SEMA3D: variants seen among roughly 807,000 people sequenced by gnomAD.
SEMA3D encodes the protein semaphorin-3D.
Under a neutral mutation model 100.1 loss-of-function variants are expected in SEMA3D, and 84 were observed. The ratio of observed to expected loss-of-function variants is 0.84; its 90% CI spans 0.70 to 1.01. The LOEUF is 1.01. Among genes scored for constraint, SEMA3D ranks in the 50% least tolerant of loss-of-function variants. The pLI is 0.00. For missense variants in SEMA3D, 875 were observed against 934.1 expected (o/e 0.94, Z 0.82); for synonymous variants, 312 against 320.7 (o/e 0.97, Z 0.29).
chr7:85,232,077 A>C, the SEMA3D span, among the ~76,000 whole-genome samples: 2 of 152,128 alleles, frequency 1.3e-5, no homozygotes, highest in African/African-American at 4.8e-5. Context: ...GGGACAGAAA[A>C]CAGATATAGG....
At chr7:85,163,705 C>T (rs1337732797) in intron 1 of SEMA3D, among the ~76,000 whole-genome samples, 1 of 152,098 alleles carries the variant, frequency 6.6e-6, no homozygotes, top group Non-Finnish European at 1.5e-5. Flanking sequence ...AGACCCAATT[C>T]AGAAATCCAG....
intron 12 of SEMA3D, among the ~76,000 whole-genome samples, chr7:85,027,339 T>G (rs1790418600): frequency 6.6e-6 from 1 of 152,032 alleles, no homozygotes; most frequent in African/African-American, 2.4e-5. Flanking sequence ...TTTGGAGGTT[T>G]TATCTTATAG....
At chr7:85,143,060 A>G in intron 2 of SEMA3D, 1 of 936,576 alleles carries the variant, frequency 1.1e-6, no homozygotes, top group Non-Finnish European at 1.3e-6. Flanking sequence ...ATTATTTCTA[A>G]TAAGACAAAC....
chr7:85,231,478 C>G, the SEMA3D span, among the ~76,000 whole-genome samples: 4 of 105,290 alleles, frequency 3.8e-5, no homozygotes, highest in African/African-American at 8.7e-5. Context: ...GACGGAGTCT[C>G]GCTCTGTCAC....
intron 1 of SEMA3D, among the ~76,000 whole-genome samples, chr7:85,178,001 A>T (rs1335766392): frequency 6.6e-6 from 1 of 152,138 alleles, no homozygotes; most frequent in Non-Finnish European, 1.5e-5. Flanking sequence ...GTGAGTTCTC[A>T]TGAGACCTGA....
At chr7:85,144,449 C>A in intron 2 of SEMA3D, 1 of 978,402 alleles carries the variant, frequency 1.0e-6, no homozygotes, top group Non-Finnish European at 1.2e-6. Flanking sequence ...TCATCCTCTT[C>A]CCCAGAGGTA....
intron 3 of SEMA3D, among the ~76,000 whole-genome samples, chr7:85,116,272 T>C (rs1376598095): frequency 6.8e-6 from 1 of 147,050 alleles, no homozygotes; most frequent in Non-Finnish European, 1.5e-5. Flanking sequence ...TGCATATGTA[T>C]ACAATTGTAT....
At chr7:85,120,924 A>T (rs1789392681) in intron 3 of SEMA3D, among the ~76,000 whole-genome samples, 1 of 152,164 alleles carries the variant, frequency 6.6e-6, no homozygotes, top group African/African-American at 2.4e-5. Flanking sequence ...GTGCTAATTC[A>T]ACTTACTCTT....
chr7:85,124,680 T>C (rs146566360), intron 2 of SEMA3D, among the ~76,000 whole-genome samples: 17 of 152,158 alleles, frequency 1.1e-4, no homozygotes, highest in Middle Eastern at 3.4e-3. Flanking sequence ...CAGAAAACAG[T>C]GAAACCTTGT....
intron 3 of SEMA3D, among the ~76,000 whole-genome samples, chr7:85,106,436 C>T (rs981246727): frequency 1.3e-5 from 2 of 151,938 alleles, no homozygotes; most frequent in African/African-American, 4.8e-5. Flanking sequence ...AATAATTCCT[C>T]AAACTAAGAT....
the SEMA3D span, among the ~76,000 whole-genome samples, chr7:85,238,049 A>T: frequency 5.3e-5 from 8 of 152,196 alleles, no homozygotes; most frequent in Non-Finnish European, 8.8e-5. Context: ...AATGCTTGCC[A>T]TCTGTACATT....
At position 85,094,312 on chromosome 7, in the gene SEMA3D, C is replaced by T. The variant is rs537266055; in HGVS notation, c.312+3493G>A. Among the ~76,000 whole-genome samples the T allele has an allele frequency of 2.6e-5, 4 of 152,096 alleles. No homozygotes were observed. In the South Asian group the frequency reaches 8.3e-4, roughly 32 times the overall value. ...CAGAGTTGTACAAGTGAGTGAGATACATTCAGACTTTTAATTTTGTGACGA... is the reference window on the plus strand; with the variant it reads ...CAGAGTTGTACAAGTGAGTGAGATATATTCAGACTTTTAATTTTGTGACGA... On this transcript the variant is annotated intron_variant, in intron 4 of 18. Coordinates refer to ENST00000284136, the MANE Select transcript of SEMA3D (RefSeq NM_001384900.1).
chr7:85,045,270 G>A (rs1311966812), intron 9 of SEMA3D, among the ~76,000 whole-genome samples: 1 of 151,890 alleles, frequency 6.6e-6, no homozygotes, highest in Admixed American at 6.6e-5. Flanking sequence ...AATAGTGAAG[G>A]AAAAAGTTAT....
intron 2 of SEMA3D, among the ~76,000 whole-genome samples, chr7:85,122,245 C>T (rs1027683526): frequency 2.8e-5 from 4 of 144,204 alleles, no homozygotes; most frequent in African/African-American, 1.0e-4. Flanking sequence ...AAAAAAAAAA[C>T]TATTAAGATA....
At chr7:85,085,702 A>G (rs1369502401) in intron 4 of SEMA3D, among the ~76,000 whole-genome samples, 1 of 152,160 alleles carries the variant, frequency 6.6e-6, no homozygotes, top group Non-Finnish European at 1.5e-5. Context: ...GGCAGTCTCT[A>G]CTTTTGATCC....
chr7:85,176,842 C>A (rs1583991819), intron 1 of SEMA3D, among the ~76,000 whole-genome samples: 1 of 151,156 alleles, frequency 6.6e-6, no homozygotes, highest in African/African-American at 2.4e-5. Flanking sequence ...TATATCTGTA[C>A]AATCATGTGA....
At chr7:85,244,836 G>A in the SEMA3D span, among the ~76,000 whole-genome samples, 3 of 150,220 alleles carry the variant, frequency 2.0e-5, no homozygotes, top group Non-Finnish European at 3.0e-5. Flanking sequence ...TCAGCCTCCT[G>A]AGTAGCTGGG....
At chr7:85,172,754 A>C (rs935896926) in intron 1 of SEMA3D, among the ~76,000 whole-genome samples, 6 of 152,060 alleles carry the variant, frequency 3.9e-5, no homozygotes, top group African/African-American at 1.2e-4. Flanking sequence ...GCTCAAGTAG[A>C]GCAAGTTGAG....
At chr7:85,086,244 A>G (rs1010849956) in intron 4 of SEMA3D, among the ~76,000 whole-genome samples, 14 of 152,272 alleles carry the variant, frequency 9.2e-5, no homozygotes, top group African/African-American at 3.4e-4. Flanking sequence ...AAAAATAGTC[A>G]TTATAGCTGT....
Sources: allele counts gnomAD v4.1 joint callset (sites outside exome capture counted in the v4.1 genomes callset), GRCh38; gene constraint gnomAD v4.1.1; transcripts MANE v1.5; gene names NCBI Gene and HGNC (gene_info 2026-07-23, HGNC 2026-07-21).